ESR2: variants seen among roughly 807,000 people sequenced by gnomAD.
ESR2 encodes estrogen receptor beta.
Under a neutral mutation model 49.6 loss-of-function variants are expected in ESR2, and 36 were observed. That is an observed-to-expected ratio of 0.73 (90% CI 0.56 to 0.96). The LOEUF is 0.96. ESR2 is among the 40% of genes least tolerant of loss of function. ESR2 has a pLI of 0.00. For missense variants in ESR2, 714 were observed against 693.0 expected (o/e 1.03, Z -0.34); for synonymous variants, 320 against 266.1 (o/e 1.20, Z -1.97).
At chr14:64,335,124 G>T (rs2077512288) in intron 1 of ESR2, among the ~76,000 whole-genome samples, 1 of 152,150 alleles carries the variant, frequency 6.6e-6, no homozygotes, top group African/African-American at 2.4e-5. Context: ...CAGTAAACAT[G>T]TATAAAAATT....
chr14:64,235,423 G>A lies in ESR2; in HGVS notation c.1226-273C>T, dbSNP rs139323616. On this transcript the variant is annotated intron_variant, in intron 7 of 8. Transcript: ENST00000341099. ...AGGCCCATAATTGTGGCCTTGCCGT[G>A]GCGAGTATATCTAGTCTCCCGAAAT... Among the ~76,000 whole-genome samples the A allele has an allele frequency of 2.5e-3, 388 of 152,326 alleles. 4 individuals are homozygous for A. The highest frequency in any genetic ancestry group is 9.1e-3 in the African/African-American group (379 of 41,574).
chr14:64,335,861 G>A (rs1338479437), intron 1 of ESR2: 5 of 133,518 alleles, frequency 3.7e-5, no homozygotes, highest in African/African-American at 1.4e-4. Flanking sequence ...TAGAAGTACA[G>A]TGGCGTGATC....
In ESR2 at chr14:64,234,958, T is replaced by C. The variant is rs771599925; in HGVS notation, c.1406+12A>G. On this transcript the variant is annotated intron_variant, in intron 8 of 8. Transcript: ENST00000341099. ...CCCAAGCCCAAGCAGAGCAGCTCCT[T>C]AGGGCGCGTACCTCGCATGCCTGAC... The C allele has an allele frequency of 3.5e-5, 57 of 1,612,694 alleles. No individual in the cohort carries two copies. Among genetic ancestry groups the C allele is most frequent in the Non-Finnish European group, 4.7e-5 (55 of 1,178,946 alleles).
intron 1 of ESR2, among the ~76,000 whole-genome samples, chr14:64,308,587 T>C (rs1302100752): frequency 6.6e-6 from 1 of 152,108 alleles, no homozygotes; most frequent in Non-Finnish European, 1.5e-5. Flanking sequence ...TTGAGAAAAA[T>C]AGTATGGCCT....
chr14:64,337,020 G>A (rs2077539621), intron 1 of ESR2, among the ~76,000 whole-genome samples: 1 of 152,144 alleles, frequency 6.6e-6, no homozygotes, highest in Admixed American at 6.6e-5. Context: ...CCCACCAGAA[G>A]ATGAGCTGAG....
rs552780168 is a variant in ESR2, at chr14:64,312,523, A to AG, written c.-91+25374dup. On this transcript the variant is annotated intron_variant, in intron 1 of 8. Transcript: ENST00000358599. The stretch of plus-strand genomic sequence containing the variant: ...GAAAAGAAAGGTGGCTTGCCAGTCA[A>AG]GACAGGTTTATTTTAGAAAAAACAA... Among the ~76,000 whole-genome samples the AG allele has an allele frequency of 2.6e-5, 4 of 152,338 alleles. No homozygotes were observed. In the South Asian group the frequency reaches 8.3e-4, roughly 32 times the overall value.
intron 1 of ESR2, among the ~76,000 whole-genome samples, chr14:64,319,807 C>T (rs1302593483): frequency 2.6e-5 from 4 of 152,170 alleles, no homozygotes; most frequent in African/African-American, 7.2e-5. Context: ...AGAGTGACAG[C>T]AATAGCTCTC....
At chr14:64,245,703 T>C (rs2075840692) in intron 7 of ESR2, among the ~76,000 whole-genome samples, 1 of 152,152 alleles carries the variant, frequency 6.6e-6, no homozygotes, top group Non-Finnish European at 1.5e-5. Flanking sequence ...GCACAGATGC[T>C]GCGTCTAGCT....
At chr14:64,261,681 A>G (rs2076228435) in intron 4 of ESR2, among the ~76,000 whole-genome samples, 1 of 152,186 alleles carries the variant, frequency 6.6e-6, no homozygotes, top group South Asian at 2.1e-4. Flanking sequence ...GGCCTCCCAA[A>G]GTGCTGGGAT....
intron 6 of ESR2, among the ~76,000 whole-genome samples, chr14:64,252,072 T>C (rs1051139005): frequency 6.6e-6 from 1 of 152,098 alleles, no homozygotes; most frequent in Non-Finnish European, 1.5e-5. Flanking sequence ...TCCTCGTGCT[T>C]TGGGGAGGCC....
At chr14:64,250,558 G>T (rs1469325326) in intron 6 of ESR2, among the ~76,000 whole-genome samples, 1 of 152,178 alleles carries the variant, frequency 6.6e-6, no homozygotes, top group Non-Finnish European at 1.5e-5. Context: ...GGAAGTCCTT[G>T]ACAAGCAGTT....
chr14:64,283,377 T>G (rs1307863333), intron 1 of ESR2, among the ~76,000 whole-genome samples: 1 of 152,060 alleles, frequency 6.6e-6, no homozygotes, highest in Admixed American at 6.5e-5. Flanking sequence ...TAAATAAAAA[T>G]GAAAGTTCTT....
In ESR2 at chr14:64,235,161, A is replaced by C. The variant is rs1363605100; in HGVS notation, c.1226-11T>G. The C allele has an allele frequency of 1.9e-6, 3 of 1,607,544 alleles. No individual in the cohort carries two copies. The highest frequency in any genetic ancestry group is 2.6e-6 in the Non-Finnish European group (3 of 1,176,422). On this transcript the variant is annotated splice_polypyrimidine_tract_variant and intron_variant, in intron 7 of 8. Transcript: ENST00000341099. ...CCAGAGGGTACATACCTGGACAAAG[A>C]ATAAAAGCCAGAAGTCATTGCTCTG... is the stretch of plus-strand genomic sequence containing the variant.
chr14:64,310,259 T>G (rs2077169387), intron 1 of ESR2, among the ~76,000 whole-genome samples: 1 of 146,388 alleles, frequency 6.8e-6, no homozygotes, highest in Admixed American at 6.8e-5. Flanking sequence ...GGCGACAAAG[T>G]GAGACAAAGT....
intron 1 of ESR2, among the ~76,000 whole-genome samples, chr14:64,332,617 G>A (rs1297214854): frequency 4.6e-5 from 7 of 151,698 alleles, no homozygotes; most frequent in South Asian, 2.1e-4. Context: ...TGGCTAACAC[G>A]GTGAAACCCC....
At chr14:64,242,649 T>A (rs2075759730) in intron 7 of ESR2, among the ~76,000 whole-genome samples, 1 of 152,014 alleles carries the variant, frequency 6.6e-6, no homozygotes, top group Admixed American at 6.6e-5. Context: ...TATACATGCA[T>A]GAGGGAAATT....
At chr14:64,267,101 G>A (rs989865168) in intron 4 of ESR2, among the ~76,000 whole-genome samples, 1 of 152,168 alleles carries the variant, frequency 6.6e-6, no homozygotes, top group African/African-American at 2.4e-5. Context: ...GGATGGTCTT[G>A]ATCTCTTGAC....
At position 64,260,689 on chromosome 14, in the gene ESR2, G is replaced by T; in HGVS notation, c.712C>A (p.Gln238Lys). Residue 238 changes from glutamine (Q) to lysine (K), a missense_variant, in exon 5 of 9, where the codon CAG (glutamine) becomes AAG (lysine). Transcript: ENST00000341099. The stretch of plus-strand genomic sequence containing the variant: ...TTGGCCTTGCCGGCACAGTGCAGCT[G>T]CTCGTCGGCACTTCTCTGTCTCCGC... The part of the protein sequence containing the change: ...LVRRQRSADE[Q>K]LHCAGKAKRS... 4 of 1,553,552 alleles carry T rather than the reference G, an allele frequency of 2.6e-6. No homozygotes were observed. The highest frequency in any genetic ancestry group is 1.2e-5 in the South Asian group (1 of 84,010).
intron 1 of ESR2, among the ~76,000 whole-genome samples, chr14:64,312,270 G>T (rs1596483906): frequency 6.6e-6 from 1 of 151,964 alleles, no homozygotes; most frequent in East Asian, 1.9e-4. Flanking sequence ...AAATGTTTCA[G>T]GAACAAGCAT....
Sources: gnomAD v4.1 joint callset for allele counts (sites outside exome capture counted in the v4.1 genomes callset) on GRCh38, gnomAD v4.1.1 for gene constraint, MANE v1.5 for transcripts, NCBI Gene and HGNC (gene_info 2026-07-23, HGNC 2026-07-21) for gene names.